The following PCM1 variants were observed in gnomAD, a reference collection of about 807,000 sequenced individuals.
The protein encoded by PCM1 is pericentriolar material 1 protein.
In PCM1, 157 loss-of-function variants were observed where a neutral mutation model predicts 241.9. That is an observed-to-expected ratio of 0.65 (90% confidence interval 0.57 to 0.74). The LOEUF is 0.74. PCM1 is among the 30% of genes least tolerant of loss of function. The pLI is 0.00. For synonymous variants in PCM1, 1,085 were observed against 784.9 expected (o/e 1.38, Z -6.39); for missense variants, 3,478 against 2,360.1 (o/e 1.47, Z -9.81).
chr8:17,990,985 C>T (rs556747371), intron 27 of PCM1, among the ~76,000 whole-genome samples: 2 of 152,102 alleles, frequency 1.3e-5, no homozygotes, highest in African/African-American at 2.4e-5. Flanking sequence ...CTTAGGTTGT[C>T]CCTCTCTTTC....
rs1002256580 is a variant in PCM1 at position 17,980,592 on chromosome 8, G to A, written c.3945G>A (p.Arg1315=). ...TQLKSRVKNI[R]YESASMSSTC... is the part of the protein sequence containing the mutation. ...CAGTTGTCACTTTTTTTACTCAAGG[G>A]TATGAAAGTGCCAGTATGTCTAGCA... Residue 1315 remains arginine (R), a splice_region_variant and synonymous_variant, in exon 24 of 39, where the codon AGG becomes AGA. Transcript: ENST00000325083. 2 of 1,582,596 alleles carry A rather than the reference G, an allele frequency of 1.3e-6. No homozygotes were observed. The highest frequency in any genetic ancestry group is 2.7e-5 in the African/African-American group (2 of 73,238).
chr8:17,984,162 C>G (rs6989977), intron 24 of PCM1, among the ~76,000 whole-genome samples: 9,660 of 151,948 alleles, frequency 0.064, 415 homozygotes, highest in Middle Eastern at 0.15. Context: ...TTTAATGATA[C>G]GCAATTTAGA....
At chr8:18,016,779 A>G (rs368076136) in intron 36 of PCM1, among the ~76,000 whole-genome samples, 97 of 152,316 alleles carry the variant, frequency 6.4e-4, no homozygotes, top group African/African-American at 1.9e-3. Context: ...CTTTTGCACA[A>G]TTACCCTTTC....
intron 15 of PCM1, among the ~76,000 whole-genome samples, chr8:17,961,159 CTT>C (rs2071731432): frequency 1.3e-5 from 2 of 152,126 alleles, no homozygotes; most frequent in East Asian, 3.9e-4. Flanking sequence ...GTTGTATATA[CTT>C]TTGCTTATTA....
intron 6 of PCM1, among the ~76,000 whole-genome samples, chr8:17,946,945 C>A (rs879006416): frequency 4.0e-5 from 6 of 150,970 alleles, no homozygotes; most frequent in Non-Finnish European, 8.8e-5. Context: ...CATTCCTCTT[C>A]CTGCTGAGCC....
chr8:17,957,627 A>G lies in PCM1; in HGVS notation c.1892A>G (p.Glu631Gly), dbSNP rs763693029. ...DEEEEEEAEE[E>G]GVSGASLSSH... ...GAGGAGGAGGAAGAAGCAGAAGAGG[A>G]GGGAGTCAGTGGAGCTTCATTATCT... is the stretch of plus-strand genomic sequence containing the variant. Residue 631 changes from glutamate to glycine, a missense_variant, in exon 13 of 39, where the codon GAG becomes GGG. Transcript: ENST00000325083. 1.3e-6 allele frequency: 2 copies of G among 1,584,620 alleles called. No homozygotes were observed. Among genetic ancestry groups the G allele is most frequent in the Non-Finnish European group, 1.7e-6 (2 of 1,164,154 alleles).
intron 24 of PCM1, among the ~76,000 whole-genome samples, chr8:17,984,795 A>G (rs534365383): frequency 6.6e-5 from 10 of 152,108 alleles, no homozygotes; most frequent in African/African-American, 2.4e-4. Flanking sequence ...AGTGATGCCT[A>G]GATTCTGTGA....
At position 17,938,947 on chromosome 8, in the gene PCM1, T is replaced by C; in HGVS notation, c.550T>C (p.Leu184=). 1 of 1,613,758 alleles carries C rather than the reference T, an allele frequency of 6.2e-7. No individual in the cohort carries two copies. Among genetic ancestry groups the C allele is most frequent in the Non-Finnish European group, 8.5e-7 (1 of 1,179,686 alleles). ...TGCTTCTGCTTTAAGTAATGACCTC[T>C]TGCAAAACTGTCAGGTGTCTGAAGA... ...LFASALSNDL[L]QNCQVSEEDG... is the part of the protein sequence containing the mutation. Residue 184 remains leucine (L), a synonymous_variant, in exon 5 of 39, where the codon TTG becomes CTG. Coordinates refer to ENST00000325083, the MANE Select transcript of PCM1 (RefSeq NM_006197.4).
intron 21 of PCM1, 199 bp from the exon 22 acceptor site, chr8:17,969,378 T>C: frequency 4.2e-6 from 2 of 479,040 alleles, no homozygotes; most frequent in South Asian, 6.0e-5. Flanking sequence ...GGATTATTAA[T>C]TGTCTTTGAC....
At chr8:17,929,727 A>AC (rs1563598999) in intron 2 of PCM1, among the ~76,000 whole-genome samples, 1 of 151,996 alleles carries the variant, frequency 6.6e-6, no homozygotes. Context: ...CCTTCCAGAG[A>AC]CCCCCAGTGC....
intron 30 of PCM1, 87 bp from the exon 31 acceptor site, chr8:18,009,460 T>A: frequency 1.2e-6 from 1 of 815,894 alleles, no homozygotes; most frequent in Non-Finnish European, 2.0e-6. Context: ...TAAACATTAG[T>A]TTTAAGTTTT....
At chr8:17,957,903 AT>A in intron 13 of PCM1, 128 bp downstream of exon 13, 1 of 654,388 alleles carries the variant, frequency 1.5e-6, no homozygotes. Flanking sequence ...TGAGGTTTAA[AT>A]TTTTAGCACT....
At chr8:18,024,343 G>A (rs1229558454) in intron 36 of PCM1, among the ~76,000 whole-genome samples, 1 of 152,052 alleles carries the variant, frequency 6.6e-6, no homozygotes, top group Non-Finnish European at 1.5e-5. Flanking sequence ...TTCCAGTCTG[G>A]GCAACAGAGT....
chr8:17,956,457 A>G (rs2068537122), intron 10 of PCM1, 147 bp from the exon 11 acceptor site: 5 of 576,400 alleles, frequency 8.7e-6, no homozygotes, highest in Non-Finnish European at 9.1e-6. Context: ...TCATTATTTT[A>G]CAGTCATACC....
At chr8:17,934,628 G>A (rs796664332) in intron 2 of PCM1, 1 of 152,134 alleles carries the variant, frequency 6.6e-6, no homozygotes, top group African/African-American at 2.4e-5. Context: ...TTGAATGTCA[G>A]TGCTTTTGTG....
chr8:18,011,869 T>C, intron 34 of PCM1, 42 bp downstream of exon 34: 1 of 1,512,456 alleles, frequency 6.6e-7, no homozygotes, highest in Non-Finnish European at 8.8e-7. Flanking sequence ...AGCCTTATTT[T>C]AACTAATCAA....
rs375662391 is a variant in PCM1 at position 17,923,189 on chromosome 8, G to A, written c.-91+1G>A. 3.9e-5 allele frequency: 6 copies of A among 152,536 alleles called. No homozygotes were observed. The South Asian group carries it at 6.2e-4, about 16-fold the overall frequency. The allele number at this position is 152,536 out of a possible 1,614,324, so 9.4% of individuals were successfully genotyped here. A position where few individuals can be genotyped will look rare whatever the true frequency, so the allele number is the denominator to read the frequency against. The stretch of plus-strand genomic sequence containing the variant: ...ACAGGAGAGGCTGCTTCTTGTAGAG[G>A]TAATGCCTGCGCGTCCCCAGCCCTT... On this transcript the variant is annotated splice_donor_variant, in intron 1 of 38. Coordinates refer to ENST00000325083, the MANE Select transcript of PCM1 (RefSeq NM_006197.4). LOFTEE classifies it low-confidence loss of function (5UTR_SPLICE).
At position 18,013,953 on chromosome 8, in the gene PCM1, T is replaced by C; in HGVS notation, c.5512-11T>C. ...TTCAGGCCCTGCTATTAAAACATTT[T>C]TCCCTTCTAGGTCCTACAACGTGAC... On this transcript the variant is annotated splice_polypyrimidine_tract_variant and intron_variant, in intron 34 of 38. Coordinates refer to ENST00000325083, the MANE Select transcript of PCM1 (RefSeq NM_006197.4). 1.3e-6 allele frequency: 2 copies of C among 1,569,996 alleles called. No homozygotes were observed. Among genetic ancestry groups the C allele is most frequent in the Admixed American group, 1.8e-5 (1 of 55,662 alleles).
intron 2 of PCM1, among the ~76,000 whole-genome samples, chr8:17,928,699 T>G (rs886561087): frequency 7.1e-6 from 1 of 140,994 alleles, no homozygotes; most frequent in East Asian, 2.4e-4. Flanking sequence ...TGGCACTATC[T>G]CCGCTCACTG....
Sources: allele counts gnomAD v4.1 joint callset (sites outside exome capture counted in the v4.1 genomes callset), GRCh38; gene constraint gnomAD v4.1.1; transcripts MANE v1.5; gene names NCBI Gene and HGNC (gene_info 2026-07-23, HGNC 2026-07-21).